Variants in GSK3B observed in about 807,000 individuals in gnomAD.
GSK3B encodes the protein glycogen synthase kinase 3 beta.
A neutral mutation model predicts 56.4 loss-of-function variants in GSK3B; 15 were observed. The ratio of observed to expected loss-of-function variants is 0.27; its 90% CI spans 0.18 to 0.41. The LOEUF (loss-of-function observed/expected upper bound fraction) is 0.41. Ranked by LOEUF, GSK3B falls within the 10% of genes least tolerant of loss-of-function variation. The pLI, the probability that GSK3B is intolerant of heterozygous loss-of-function variation, is 1.00. For synonymous variants in GSK3B, 181 were observed against 188.9 expected (o/e 0.96, Z 0.34); for missense variants, 300 against 513.4 (o/e 0.58, Z 4.02).
At chr3:119,868,405 T>C (rs1222355292) in intron 8 of GSK3B, among the ~76,000 whole-genome samples, 1 of 152,194 alleles carries the variant, frequency 6.6e-6, no homozygotes, top group African/African-American at 2.4e-5. Context: ...TGCATTTGGG[T>C]AACTAAAAAA....
intron 2 of GSK3B, among the ~76,000 whole-genome samples, chr3:119,983,135 C>G (rs1365594434): frequency 6.6e-6 from 1 of 152,132 alleles, no homozygotes; most frequent in African/African-American, 2.4e-5. Flanking sequence ...AAATAAAATC[C>G]TTTACAGACA....
At chr3:119,923,998 C>T (rs1235365610) in intron 3 of GSK3B, among the ~76,000 whole-genome samples, 1 of 152,148 alleles carries the variant, frequency 6.6e-6, no homozygotes, top group Non-Finnish European at 1.5e-5. Flanking sequence ...ATGTCTCTAA[C>T]CTACACACAC....
chr3:119,889,696 C>T (rs1221686806), intron 7 of GSK3B, among the ~76,000 whole-genome samples: 1 of 152,038 alleles, frequency 6.6e-6, no homozygotes, highest in Non-Finnish European at 1.5e-5. Flanking sequence ...TAAACTCAAC[C>T]ACAGTGATAA....
At chr3:120,051,448 TA>T (rs1277375111) in intron 1 of GSK3B, among the ~76,000 whole-genome samples, 1 of 152,168 alleles carries the variant, frequency 6.6e-6, no homozygotes, top group Admixed American at 6.6e-5. Flanking sequence ...AAAGGTTTTT[TA>T]AAAGTACACA....
intron 8 of GSK3B, among the ~76,000 whole-genome samples, chr3:119,865,739 G>T (rs978415343): frequency 2.3e-4 from 35 of 151,814 alleles, no homozygotes; most frequent in African/African-American, 8.2e-4. Context: ...AAAGTGCTGG[G>T]ATTACAGGCG....
chr3:119,831,497 A>G (rs938513889), intron 10 of GSK3B, among the ~76,000 whole-genome samples: 1 of 152,102 alleles, frequency 6.6e-6, no homozygotes, highest in Non-Finnish European at 1.5e-5. Flanking sequence ...CTCTACTAAA[A>G]ATACCAAAAA....
At chr3:119,947,379 T>A (rs753022947) in intron 2 of GSK3B, 28 bp from the exon 3 acceptor site, 1 of 1,345,286 alleles carries the variant, frequency 7.4e-7, no homozygotes, top group East Asian at 2.3e-5. Context: ...AAAAATATAT[T>A]TTTAAAGGAT....
chr3:120,015,489 A>G (rs2086907511), intron 1 of GSK3B, among the ~76,000 whole-genome samples: 1 of 151,816 alleles, frequency 6.6e-6, no homozygotes, highest in African/African-American at 2.4e-5. Context: ...TCTCTACCAA[A>G]GATACAAAAA....
At chr3:120,023,391 C>G (rs2057896194) in intron 1 of GSK3B, among the ~76,000 whole-genome samples, 1 of 150,442 alleles carries the variant, frequency 6.6e-6, no homozygotes, top group Admixed American at 6.7e-5. Flanking sequence ...AAGTTAACTA[C>G]AAAACAAAAA....
chr3:119,961,145 C>T (rs920390358), intron 2 of GSK3B, among the ~76,000 whole-genome samples: 4 of 152,072 alleles, frequency 2.6e-5, no homozygotes, highest in African/African-American at 9.7e-5. Context: ...GAGAATAGAG[C>T]TGTGATGTAC....
At chr3:119,873,044 C>T (rs1222567075) in intron 8 of GSK3B, among the ~76,000 whole-genome samples, 2 of 152,176 alleles carry the variant, frequency 1.3e-5, no homozygotes, top group Non-Finnish European at 2.9e-5. Flanking sequence ...CATAGGTCTT[C>T]ATCCCCTCAC....
At chr3:120,070,847 A>G (rs543147738) in intron 1 of GSK3B, among the ~76,000 whole-genome samples, 1 of 152,360 alleles carries the variant, frequency 6.6e-6, no homozygotes, top group African/African-American at 2.4e-5. Flanking sequence ...TCAAAAGGGC[A>G]AAAACTTAGG....
rs140375859 is a variant in GSK3B at position 119,844,862 on chromosome 3, A to C, written c.1097-1509T>G. ...AACCTGGCAGAGACACAAGAAAGAA[A>C]GAAAATTTCAGGCCAATATATCTGA... On this transcript the variant is annotated intron_variant, in intron 9 of 10. Coordinates refer to ENST00000264235, the MANE Select transcript of GSK3B (RefSeq NM_001146156.2). Among the ~76,000 whole-genome samples the C allele has an allele frequency of 7.4e-3, 1,130 of 152,352 alleles. 14 individuals carry two copies. Among genetic ancestry groups the C allele is most frequent in the African/African-American group, 0.025 (1,056 of 41,576 alleles).
At chr3:120,077,750 G>A (rs2058379709) in intron 1 of GSK3B, among the ~76,000 whole-genome samples, 1 of 151,928 alleles carries the variant, frequency 6.6e-6, no homozygotes. Context: ...TTAACATCAT[G>A]TTGTATATCT....
At chr3:119,893,261 A>G (rs901883711) in intron 7 of GSK3B, among the ~76,000 whole-genome samples, 1 of 152,054 alleles carries the variant, frequency 6.6e-6, no homozygotes, top group African/African-American at 2.4e-5. Context: ...AGCCTCCCAA[A>G]GTGCTAGGAT....
At chr3:119,908,982 C>CA (rs34185024) in intron 6 of GSK3B, among the ~76,000 whole-genome samples, 1 of 152,072 alleles carries the variant, frequency 6.6e-6, no homozygotes, top group Admixed American at 6.5e-5. Context: ...ATCAAAAAGA[C>CA]AAAAAAACTG....
chr3:119,984,250 A>T (rs2057492701), intron 2 of GSK3B, among the ~76,000 whole-genome samples: 2 of 152,226 alleles, frequency 1.3e-5, no homozygotes, highest in Admixed American at 1.3e-4. Context: ...CACAAGATAA[A>T]GCAGCAAAGA....
intron 2 of GSK3B, among the ~76,000 whole-genome samples, chr3:119,960,661 A>G (rs1489447043): frequency 6.6e-6 from 1 of 152,168 alleles, no homozygotes; most frequent in African/African-American, 2.4e-5. Flanking sequence ...TACTTCAGGT[A>G]TTTCCTCAAA....
At chr3:119,980,749 G>C (rs2057452870) in intron 2 of GSK3B, among the ~76,000 whole-genome samples, 2 of 152,152 alleles carry the variant, frequency 1.3e-5, no homozygotes, top group South Asian at 4.1e-4. Flanking sequence ...TTCTAATCTT[G>C]TGGCTTAGGC....
Sources: gnomAD v4.1 joint callset for allele counts (sites outside exome capture counted in the v4.1 genomes callset) on GRCh38, gnomAD v4.1.1 for gene constraint, MANE v1.5 for transcripts, NCBI Gene and HGNC (gene_info 2026-07-23, HGNC 2026-07-21) for gene names.